Variants in PDGFRA observed in about 807,000 individuals in gnomAD.
PDGFRA encodes the protein platelet-derived growth factor receptor alpha.
PDGFRA carries 25 observed loss-of-function variants against 121.5 expected under a neutral mutation model. The ratio of observed to expected loss-of-function variants is 0.21; its 90% CI spans 0.15 to 0.29. PDGFRA has a LOEUF of 0.29. Ranked by LOEUF, PDGFRA falls within the 10% of genes least tolerant of loss-of-function variation. The pLI, the probability that PDGFRA is intolerant of heterozygous loss-of-function variation, is 1.00. For missense variants in PDGFRA, 1,008 were observed against 1,345.1 expected (o/e 0.75, Z 3.92); for synonymous variants, 463 against 494.8 (o/e 0.94, Z 0.85).
At chr4:54,261,013 T>C in intron 2 of PDGFRA, 82 bp from the exon 3 acceptor site, 1 of 1,232,078 alleles carries the variant, frequency 8.1e-7, no homozygotes. Context: ...TCATCTAAGC[T>C]GCTACTGTTG....
In PDGFRA at chr4:54,267,675, A is replaced by G. The variant is rs2110267317; in HGVS notation, c.1055A>G (p.Asn352Ser). Residue 352 changes from asparagine to serine, a missense_variant, in exon 7 of 23, where the codon AAC becomes AGC. This residue lies in a region of PDGFRA where 575 missense variants were observed against 701.8 expected (regional missense o/e 0.82). Coordinates refer to ENST00000257290, the MANE Select transcript of PDGFRA (RefSeq NM_006206.6). ...YPPPRISWLK[N>S]NLTLIENLTE... Reference sequence around the variant, plus strand: ...CCTCCCAGGATATCCTGGCTGAAAAACAATCTGACTCTGATTGAAAATCTC... The same window carrying G: ...CCTCCCAGGATATCCTGGCTGAAAAGCAATCTGACTCTGATTGAAAATCTC... The G allele has an allele frequency of 1.2e-6, 2 of 1,614,064 alleles. No homozygotes were observed. The highest frequency in any genetic ancestry group is 8.5e-7 in the Non-Finnish European group (1 of 1,179,972).
At chr4:54,294,856 G>T (rs1351667924) in intron 22 of PDGFRA, among the ~76,000 whole-genome samples, 1 of 152,194 alleles carries the variant, frequency 6.6e-6, no homozygotes, top group Non-Finnish European at 1.5e-5. Context: ...CACTAGGATT[G>T]AGTAGGGAAA....
At position 54,275,077 on chromosome 4, in the gene PDGFRA, G is replaced by C; in HGVS notation, c.1786+104G>C. Reference sequence around the variant, plus strand: ...AGAGATCTGAGCTTGTGCTTAGTAAGAACTAGGCAATGGAAATTTGCTTTC... The same window carrying C: ...AGAGATCTGAGCTTGTGCTTAGTAACAACTAGGCAATGGAAATTTGCTTTC... On this transcript the variant is annotated intron_variant, in intron 12 of 22. Coordinates refer to ENST00000257290, the MANE Select transcript of PDGFRA (RefSeq NM_006206.6). The C allele has an allele frequency of 2.4e-6, 3 of 1,229,330 alleles. No individual in the cohort carries two copies. In the South Asian group the frequency reaches 3.7e-5, roughly 15 times the overall value. The allele number at this position is 1,229,330 out of a possible 1,614,324, so 76.2% of individuals were successfully genotyped here.
intron 1 of PDGFRA, among the ~76,000 whole-genome samples, chr4:54,247,489 T>A (rs1286225577): frequency 1.3e-5 from 2 of 152,164 alleles, no homozygotes; most frequent in Non-Finnish European, 2.9e-5. Context: ...TCTCAATAGA[T>A]GCAGAAAAGG....
At chr4:54,290,597 C>A in intron 22 of PDGFRA, 43 bp downstream of exon 22, 1 of 1,611,458 alleles carries the variant, frequency 6.2e-7, no homozygotes, top group Non-Finnish European at 8.5e-7. Context: ...TTCCCCTCCC[C>A]TATAGGCCCT....
At chr4:54,264,353 G>A (rs1722919202) in intron 4 of PDGFRA, 2 of 277,486 alleles carry the variant, frequency 7.2e-6, no homozygotes, top group South Asian at 5.0e-5. Flanking sequence ...TACGCTTGGG[G>A]AAGTATAATA....
In PDGFRA at chr4:54,263,846, A is replaced by G. The variant is rs2110252900; in HGVS notation, c.547A>G (p.Thr183Ala). Residue 183 changes from threonine (T) to alanine (A), a missense_variant, in exon 4 of 23, where the codon ACT (threonine) becomes GCT (alanine). Physicochemically the swap from Thr to Ala is moderately conservative, Grantham distance 58. This residue lies in a region of PDGFRA where 575 missense variants were observed against 701.8 expected (regional missense o/e 0.82). Coordinates refer to ENST00000257290, the MANE Select transcript of PDGFRA (RefSeq NM_006206.6). ...CAGACAGGGCTTTAATGGGACCTTC[A>G]CTGTAGGGCCCTATATCTGTGAGGC... ...DSRQGFNGTF[T>A]VGPYICEATV... 1.2e-6 allele frequency: 2 copies of G among 1,613,952 alleles called. No individual in the cohort carries two copies. The highest frequency in any genetic ancestry group is 8.5e-7 in the Non-Finnish European group (1 of 1,179,940).
intron 1 of PDGFRA, among the ~76,000 whole-genome samples, chr4:54,250,063 C>G (rs1372072556): frequency 2.0e-5 from 3 of 152,024 alleles, no homozygotes; most frequent in African/African-American, 7.2e-5. Flanking sequence ...GGCTTTCTCT[C>G]TTGAATAAGA....
intron 1 of PDGFRA, among the ~76,000 whole-genome samples, chr4:54,250,584 A>G (rs897751050): frequency 3.3e-5 from 5 of 152,298 alleles, no homozygotes; most frequent in Middle Eastern, 3.4e-3. Context: ...TATAGTTCTT[A>G]TGTTACATTA....
At chr4:54,286,448 C>A (rs1240694213) in intron 18 of PDGFRA, among the ~76,000 whole-genome samples, 1 of 151,792 alleles carries the variant, frequency 6.6e-6, no homozygotes, top group Non-Finnish European at 1.5e-5. Flanking sequence ...CTTCTGCCTC[C>A]CAGGTTGAAG....
chr4:54,274,584 G>A lies in PDGFRA; in HGVS notation c.1612G>A (p.Val538Met), dbSNP rs2110296611. The change falls in exon 11 of 23, where the codon GTG (valine) becomes ATG (methionine). Residue 538 changes from valine to methionine, a missense_variant. Val to Met is a conservative substitution (Grantham distance 21). Coordinates refer to ENST00000257290, the MANE Select transcript of PDGFRA (RefSeq NM_006206.6). ...AAAVLVLLVIVIISLIVLVVI... is the reference protein window; with the variant it reads ...AAAVLVLLVIMIISLIVLVVI... ...TGCAGTCCTGGTGCTGTTGGTGATTGTGATCATCTCACTTATTGTCCTGGT... is the reference window on the plus strand; with the variant it reads ...TGCAGTCCTGGTGCTGTTGGTGATTATGATCATCTCACTTATTGTCCTGGT... 3 of 1,613,806 alleles carry A rather than the reference G, an allele frequency of 1.9e-6. No homozygotes were observed. Among genetic ancestry groups the A allele is most frequent in the South Asian group, 2.2e-5 (2 of 91,080 alleles).
At chr4:54,289,417 C>T (rs188769152) in intron 21 of PDGFRA, among the ~76,000 whole-genome samples, 2 of 152,318 alleles carry the variant, frequency 1.3e-5, no homozygotes, top group East Asian at 3.9e-4. Context: ...ATGGCCATTA[C>T]ATCACTAATT....
chr4:54,287,321 A>G (rs1038980000), intron 18 of PDGFRA, 109 bp from the exon 19 acceptor site: 2 of 765,672 alleles, frequency 2.6e-6, no homozygotes, highest in African/African-American at 3.4e-5. Flanking sequence ...ATGGGACAAG[A>G]TAATTAGCAC....
chr4:54,286,082 G>A (rs1724349033), intron 18 of PDGFRA, 119 bp downstream of exon 18: 3 of 1,042,562 alleles, frequency 2.9e-6, no homozygotes, highest in African/African-American at 1.6e-5. Flanking sequence ...ATTTCAAGGG[G>A]TCAGTACACT....
intron 15 of PDGFRA, 85 bp downstream of exon 15, chr4:54,278,600 T>C (rs1723892636): frequency 7.4e-7 from 1 of 1,360,524 alleles, no homozygotes. Context: ...AGATATCATG[T>C]CTGCAGATTC....
At chr4:54,283,270 A>G (rs952375687) in intron 16 of PDGFRA, among the ~76,000 whole-genome samples, 4 of 152,198 alleles carry the variant, frequency 2.6e-5, no homozygotes, top group African/African-American at 9.6e-5. Context: ...CTGTCTGGAC[A>G]CCCTGGTTTT....
Position 54,296,082 on chromosome 4 carries a change from T to C in PDGFRA, c.*810T>C. 4.3e-6 allele frequency: 1 copy of C among 232,790 alleles called. No individual in the cohort carries two copies. Among genetic ancestry groups the C allele is most frequent in the East Asian group, 6.1e-5 (1 of 16,316 alleles). The allele number at this position is 232,790 out of a possible 1,614,324, so 14.4% of individuals were successfully genotyped here. ...TTAAATAACATGTTTCTCTATAAAGTATGGTAATAGCTTTAGTGAATTAAA... is the reference window on the plus strand; with the variant it reads ...TTAAATAACATGTTTCTCTATAAAGCATGGTAATAGCTTTAGTGAATTAAA... On this transcript the variant is annotated 3_prime_UTR_variant, in exon 23 of 23. Coordinates refer to ENST00000257290, the MANE Select transcript of PDGFRA (RefSeq NM_006206.6).
At position 54,270,369 on chromosome 4, in the gene PDGFRA, C is replaced by T. The variant is rs889126691; in HGVS notation, c.1122-264C>T. Among the ~76,000 whole-genome samples the T allele has an allele frequency of 2.0e-5, 3 of 152,034 alleles. No homozygotes were observed. In the East Asian group the frequency reaches 5.8e-4, roughly 29 times the overall value. ...TGTGTTTATTCATTCAGAAGTCAGGCCGTGGCTGAACTGATAGCTCTTGGA... is the reference window on the plus strand; with the variant it reads ...TGTGTTTATTCATTCAGAAGTCAGGTCGTGGCTGAACTGATAGCTCTTGGA... On this transcript the variant is annotated intron_variant, in intron 7 of 22. Transcript: ENST00000257290.
chr4:54,269,500 TACATACAC>T (rs1469446409), intron 7 of PDGFRA, among the ~76,000 whole-genome samples: 61 of 136,304 alleles, frequency 4.5e-4, no homozygotes, highest in African/African-American at 1.8e-3. Flanking sequence ...TTTATGCACA[TACATACAC>T]ACACACACAC....
Sources: allele counts gnomAD v4.1 joint callset (sites outside exome capture counted in the v4.1 genomes callset), GRCh38; gene constraint gnomAD v4.1.1; regional missense constraint gnomAD v4.1.1; transcripts MANE v1.5; gene names NCBI Gene and HGNC (gene_info 2026-07-23, HGNC 2026-07-21).